CDH23: variants seen among roughly 807,000 people sequenced by gnomAD.
CDH23 encodes cadherin-23.
In CDH23, 189 loss-of-function variants were observed where a neutral mutation model predicts 317.1. That is an observed-to-expected ratio of 0.60 (90% CI 0.53 to 0.67). The LOEUF is 0.67. CDH23 is among the 30% of genes least tolerant of loss of function. The probability of loss-of-function intolerance (pLI) is 0.00; values close to 1 mark genes in which losing one functional copy is unlikely to be tolerated. For missense variants in CDH23, 4,401 were observed against 4,592.4 expected (o/e 0.96, Z 1.20); for synonymous variants, 1,839 against 1,876.8 (o/e 0.98, Z 0.52).
At chr10:71,569,790 A>C (rs1176686517) in intron 7 of CDH23, among the ~76,000 whole-genome samples, 1 of 152,166 alleles carries the variant, frequency 6.6e-6, no homozygotes, top group Non-Finnish European at 1.5e-5. Flanking sequence ...TGTACAAAGC[A>C]CTGCAGTTAC....
intron 19 of CDH23, 95 bp downstream of exon 19, chr10:71,687,814 T>C (rs1864970692): frequency 1.7e-6 from 2 of 1,154,444 alleles, no homozygotes; most frequent in Admixed American, 1.9e-5. Context: ...TGCACACAAA[T>C]TGTGGGAGGT....
chr10:71,771,757 A>G (rs1175348766), intron 38 of CDH23, among the ~76,000 whole-genome samples: 4 of 152,246 alleles, frequency 2.6e-5, no homozygotes, highest in African/African-American at 7.2e-5. Context: ...GCCCCTGGCC[A>G]TATAAGCAAT....
rs1841917582 is a variant in CDH23, at chr10:71,811,359, T to C, written c.9122T>C (p.Leu3041Pro). ...GAGAACAAGGAGCAGCTACGGAATC[T>C]TTTCCGGAACTACAACGTCCTGGAC... is the stretch of plus-strand genomic sequence containing the variant. ...IDENKEQLRN[L>P]FRNYNVLDVQ... is the part of the protein sequence containing the mutation. Residue 3041 changes from leucine to proline, a missense_variant, in exon 63 of 70, where the codon CTT (leucine) becomes CCT (proline). Around this residue, in one of 3 missense-constraint regions of CDH23, gnomAD observed 1,144 missense variants for 1,138.2 expected, o/e 1.01. Coordinates refer to ENST00000224721, the MANE Select transcript of CDH23 (RefSeq NM_022124.6). 22 of 1,613,874 alleles carry C rather than the reference T, an allele frequency of 1.4e-5. No homozygotes were observed. The highest frequency in any genetic ancestry group is 1.8e-5 in the Non-Finnish European group (21 of 1,179,854).
At chr10:71,617,928 G>T (rs1339999642) in intron 11 of CDH23, among the ~76,000 whole-genome samples, 1 of 151,722 alleles carries the variant, frequency 6.6e-6, no homozygotes, top group Non-Finnish European at 1.5e-5. Context: ...GGAGGTGGAG[G>T]TTGCAGTGAG....
In CDH23 at chr10:71,799,512, G is replaced by A. The variant is rs751865337; in HGVS notation, c.7245G>A (p.Val2415=). 81 of 1,613,946 alleles carry A rather than the reference G, an allele frequency of 5.0e-5. 1 individual carries two copies. The South Asian group carries it at 8.7e-4, about 17-fold the overall frequency. ...PSYQEAVFED[V]PVGTIILTVT... ...TCCAGGAGGCTGTCTTTGAGGATGT[G>A]CCTGTGGGCACAATCATCCTGACAG... Residue 2415 remains valine (V), a synonymous_variant, in exon 52 of 70, where the codon GTG becomes GTA. Coordinates refer to ENST00000224721, the MANE Select transcript of CDH23 (RefSeq NM_022124.6).
In CDH23 at chr10:71,725,388, C is replaced by T. The variant is rs1866761761; in HGVS notation, c.3447C>T (p.Asn1149=). 1 of 1,614,046 alleles carries T rather than the reference C, an allele frequency of 6.2e-7. No individual in the cohort carries two copies. The highest frequency in any genetic ancestry group is 1.1e-5 in the South Asian group (1 of 91,082). The change falls in exon 30 of 70, where the codon AAC becomes AAT. Residue 1149 remains asparagine (N), a synonymous_variant. Transcript: ENST00000224721. ...YRILHGNHGN[N]FRIHVSNGLL... ...TCCACACAGGTAACCATGGCAACAA[C>T]TTCCGGATCCATGTCAGCAATGGGC...
At chr10:71,514,078 C>A (rs1854141930) in intron 6 of CDH23, among the ~76,000 whole-genome samples, 2 of 152,002 alleles carry the variant, frequency 1.3e-5, no homozygotes, top group Non-Finnish European at 2.9e-5. Context: ...TATGCCCCTG[C>A]CTTGCTGAGA....
intron 9 of CDH23, among the ~76,000 whole-genome samples, chr10:71,584,986 G>C (rs1858948852): frequency 6.6e-6 from 1 of 152,164 alleles, no homozygotes; most frequent in African/African-American, 2.4e-5. Flanking sequence ...GTAGGTTATT[G>C]AGTGCAGCTG....
chr10:71,584,921 G>A (rs1430818378), intron 9 of CDH23, among the ~76,000 whole-genome samples: 2 of 152,204 alleles, frequency 1.3e-5, no homozygotes, highest in Non-Finnish European at 2.9e-5. Flanking sequence ...GGAGTCCAGG[G>A]CAGATCAGAG....
chr10:71,484,167 T>C (rs1022129051), intron 3 of CDH23, among the ~76,000 whole-genome samples: 3 of 152,156 alleles, frequency 2.0e-5, no homozygotes, highest in African/African-American at 4.8e-5. Context: ...GTCGAGCCGC[T>C]CTTAAATATC....
Position 71,741,852 on chromosome 10 carries a change from T to C in CDH23, c.4776T>C (p.Pro1592=), listed in dbSNP as rs2132847922. ...SGEIATRPAP[P]DRERQSFYHL... ...AGATCGCCACACGGCCTGCCCCGCC[T>C]GACCGCGAGCGCCAGAGCTTCTACC... Residue 1592 remains proline, a synonymous_variant, in exon 38 of 70, where the codon CCT becomes CCC. Transcript: ENST00000224721. 6.2e-7 allele frequency: 1 copy of C among 1,611,392 alleles called. No individual in the cohort carries two copies. The highest frequency in any genetic ancestry group is 8.5e-7 in the Non-Finnish European group (1 of 1,179,056).
chr10:71,742,281 C>T (rs764087647), intron 38 of CDH23, among the ~76,000 whole-genome samples: 2 of 152,238 alleles, frequency 1.3e-5, no homozygotes, highest in Non-Finnish European at 2.9e-5. Context: ...ACTTGCCCAC[C>T]TATGCACTGT....
At position 71,806,179 on chromosome 10, in the gene CDH23, G is replaced by A. The variant is rs1245704838; in HGVS notation, c.8076G>A (p.Val2692=). The A allele has an allele frequency of 6.4e-7, 1 of 1,564,032 alleles. No homozygotes were observed. Among genetic ancestry groups the A allele is most frequent in the Non-Finnish European group, 8.7e-7 (1 of 1,154,938 alleles). The part of the protein sequence containing the change: ...ESQAVYSLIL[V]ASDLGQPVPY... ...TCTTCCGCTCCTAGCTCATCTTGGT[G>A]GCCAGCGACCTGGGCCAGCCAGTGC... Residue 2692 remains valine, a synonymous_variant, in exon 57 of 70, where the codon GTG becomes GTA. Coordinates refer to ENST00000224721, the MANE Select transcript of CDH23 (RefSeq NM_022124.6).
chr10:71,533,525 CCACA>C (rs55659529), intron 6 of CDH23, among the ~76,000 whole-genome samples: 369 of 130,736 alleles, frequency 2.8e-3, no homozygotes, highest in Middle Eastern at 3.9e-3. Flanking sequence ...TGGCTGGACA[CCACA>C]CACACACACA....
At chr10:71,707,137 C>A (rs772280277) in intron 26 of CDH23, 88 bp downstream of exon 26, 36 of 1,552,232 alleles carry the variant, frequency 2.3e-5, no homozygotes, top group Non-Finnish European at 3.0e-5. Flanking sequence ...TAGGTGGGGG[C>A]AGGTGAGGGT....
At chr10:71,560,079 A>G (rs145270353) in intron 6 of CDH23, among the ~76,000 whole-genome samples, 20 of 152,176 alleles carry the variant, frequency 1.3e-4, no homozygotes, top group African/African-American at 4.8e-4. Context: ...CACCTCTCCC[A>G]TAGACCCCAT....
Position 71,815,300 on chromosome 10 carries a change from G to A in CDH23, c.*22G>A. On this transcript the variant is annotated 3_prime_UTR_variant, in exon 70 of 70. Coordinates refer to ENST00000224721, the MANE Select transcript of CDH23 (RefSeq NM_022124.6). ...GTGACTAGACAGGGAAGCCTTGTGGGTGTGAGCAGCACCCATCCACCGTCC... is the reference window on the plus strand; with the variant it reads ...GTGACTAGACAGGGAAGCCTTGTGGATGTGAGCAGCACCCATCCACCGTCC... 3 of 1,538,976 alleles carry A rather than the reference G, an allele frequency of 1.9e-6. No individual in the cohort carries two copies. The highest frequency in any genetic ancestry group is 1.3e-5 in the South Asian group (1 of 79,630).
chr10:71,635,567 G>A (rs909963189), intron 11 of CDH23, among the ~76,000 whole-genome samples: 1 of 152,056 alleles, frequency 6.6e-6, no homozygotes, highest in Non-Finnish European at 1.5e-5. Flanking sequence ...GAATTCAGCA[G>A]ATAACCTGCG....
intron 6 of CDH23, among the ~76,000 whole-genome samples, chr10:71,522,258 C>T (rs1854739097): frequency 6.6e-6 from 1 of 152,236 alleles, no homozygotes; most frequent in East Asian, 1.9e-4. Flanking sequence ...GCACCCGGAT[C>T]GAGAAGCAGA....
Sources: allele counts gnomAD v4.1 joint callset (sites outside exome capture counted in the v4.1 genomes callset), GRCh38; gene constraint gnomAD v4.1.1; regional missense constraint gnomAD v4.1.1; transcripts MANE v1.5; gene names NCBI Gene and HGNC (gene_info 2026-07-23, HGNC 2026-07-21).